RHBDD1: variants seen among roughly 807,000 people sequenced by gnomAD.
RHBDD1 encodes the protein rhomboid domain containing 1.
In RHBDD1, 38 loss-of-function variants were observed where a neutral mutation model predicts 36.3. That is an observed-to-expected ratio of 1.05 (90% CI 0.81 to 1.37). The LOEUF is 1.37. Ranked by LOEUF, RHBDD1 falls within the 40% of genes most tolerant of loss-of-function variation. The probability of loss-of-function intolerance (pLI) is 0.00; values close to 1 mark genes in which losing one functional copy is unlikely to be tolerated. For synonymous variants in RHBDD1, 151 were observed against 136.5 expected (o/e 1.11, Z -0.74); for missense variants, 393 against 377.6 (o/e 1.04, Z -0.34).
the RHBDD1 span, among the ~76,000 whole-genome samples, chr2:226,821,124 A>G: frequency 2.6e-5 from 4 of 152,130 alleles, no homozygotes; most frequent in Non-Finnish European, 4.4e-5. Context: ...GCCCCCTACT[A>G]TGTTCCAGTC....
chr2:226,908,245 T>C (rs1296999262), intron 6 of RHBDD1: 2 of 152,174 alleles, frequency 1.3e-5, no homozygotes, highest in Non-Finnish European at 2.9e-5. Flanking sequence ...AGGAACCCCA[T>C]GGAAAACGAC....
chr2:226,849,181 T>C (rs1242105516), intron 3 of RHBDD1, among the ~76,000 whole-genome samples: 2 of 152,216 alleles, frequency 1.3e-5, no homozygotes, highest in Non-Finnish European at 2.9e-5. Flanking sequence ...GAGACTTAGA[T>C]TAAGTGACGT....
intron 8 of RHBDD1, among the ~76,000 whole-genome samples, chr2:226,936,751 T>A (rs1019080483): frequency 2.0e-5 from 3 of 152,122 alleles, no homozygotes; most frequent in Non-Finnish European, 4.4e-5. Flanking sequence ...TTTGAGCCCT[T>A]CATATGTGTC....
At chr2:226,914,429 C>T (rs1011872327) in intron 8 of RHBDD1, 78 bp downstream of exon 8, 5 of 1,472,834 alleles carry the variant, frequency 3.4e-6, no homozygotes, top group Non-Finnish European at 4.6e-6. Context: ...CTATTTGTAG[C>T]AAATTAAATT....
chr2:226,987,511 A>G (rs1957252916), intron 8 of RHBDD1, among the ~76,000 whole-genome samples: 2 of 152,310 alleles, frequency 1.3e-5, no homozygotes, highest in South Asian at 4.2e-4. Context: ...GCAGCTGGCC[A>G]ATGAGGCAGG....
intron 5 of RHBDD1, among the ~76,000 whole-genome samples, chr2:226,900,476 C>T (rs571402156): frequency 9.2e-5 from 14 of 152,130 alleles, no homozygotes; most frequent in South Asian, 2.1e-4. Context: ...ATTATAGTTA[C>T]GATTTTTCTA....
intron 8 of RHBDD1, among the ~76,000 whole-genome samples, chr2:226,928,987 C>G (rs1440603043): frequency 6.6e-6 from 1 of 151,866 alleles, no homozygotes; most frequent in Non-Finnish European, 1.5e-5. Context: ...CCAATAACAA[C>G]CAGTGAGATT....
At chr2:226,811,503 A>G in the RHBDD1 span, among the ~76,000 whole-genome samples, 1 of 152,134 alleles carries the variant, frequency 6.6e-6, no homozygotes, top group African/African-American at 2.4e-5. Flanking sequence ...GGGTTTTGCC[A>G]TGTTGGCCAG....
At chr2:226,906,697 CTG>C (rs1575047726) in intron 5 of RHBDD1, 94 bp from the exon 6 acceptor site, 1 of 1,598,830 alleles carries the variant, frequency 6.3e-7, no homozygotes, top group Non-Finnish European at 8.5e-7. Context: ...AGCCTGCAGA[CTG>C]TGACTATTTG....
intron 3 of RHBDD1, among the ~76,000 whole-genome samples, chr2:226,839,850 T>G (rs939099484): frequency 6.6e-6 from 1 of 152,192 alleles, no homozygotes; most frequent in African/African-American, 2.4e-5. Flanking sequence ...TAAAAGCTAT[T>G]TGGCATTTTA....
intron 5 of RHBDD1, among the ~76,000 whole-genome samples, chr2:226,883,148 G>A (rs1357070849): frequency 2.0e-5 from 3 of 152,172 alleles, no homozygotes; most frequent in Admixed American, 1.3e-4. Flanking sequence ...TTTCTAATGA[G>A]TTATAAAATC....
At chr2:226,912,904 A>G (rs1948622381) in intron 7 of RHBDD1, among the ~76,000 whole-genome samples, 1 of 152,154 alleles carries the variant, frequency 6.6e-6, no homozygotes, top group African/African-American at 2.4e-5. Flanking sequence ...AATAGACACA[A>G]CTACTTTTCA....
At chr2:226,826,151 TGAGTA>T in the RHBDD1 span, among the ~76,000 whole-genome samples, 1 of 152,162 alleles carries the variant, frequency 6.6e-6, no homozygotes, top group African/African-American at 2.4e-5. Flanking sequence ...AGACGATGCA[TGAGTA>T]GAGAATGAGG....
intron 5 of RHBDD1, among the ~76,000 whole-genome samples, chr2:226,890,955 A>G (rs1222886384): frequency 2.0e-5 from 3 of 152,150 alleles, no homozygotes; most frequent in Admixed American, 6.5e-5. Flanking sequence ...TCTTACTGTC[A>G]TTAGGATTCT....
In RHBDD1 at chr2:226,995,455, C is replaced by A. The variant is rs757301813; in HGVS notation, c.881C>A (p.Pro294His). The A allele has an allele frequency of 2.0e-5, 32 of 1,612,732 alleles. No individual in the cohort carries two copies. The East Asian group carries it at 6.0e-4, about 30-fold the overall frequency. The part of the protein sequence containing the change: ...DRGNTRNSPP[P>H]YGFHLSPEEM... ...GGAAATACCAGAAATAGCCCACCACCCTACGGGTTTCATCTCTCACCAGAA... is the reference window on the plus strand; with the variant it reads ...GGAAATACCAGAAATAGCCCACCACACTACGGGTTTCATCTCTCACCAGAA... The change falls in exon 9 of 9, where the codon CCC (proline) becomes CAC (histidine). Residue 294 changes from proline (P) to histidine (H), a missense_variant. Transcript: ENST00000392062.
intron 8 of RHBDD1, 22 bp from the exon 9 acceptor site, chr2:226,995,409 T>C (rs1959166421): frequency 6.7e-7 from 1 of 1,498,966 alleles, no homozygotes; most frequent in Admixed American, 1.7e-5. Context: ...GATTGATTTT[T>C]CCTTTGGCTT....
intron 6 of RHBDD1, 64 bp from the exon 7 acceptor site, chr2:226,908,758 C>T: frequency 9.2e-7 from 1 of 1,083,126 alleles, no homozygotes. Flanking sequence ...TTTCTAATTA[C>T]TGGAACAATT....
At chr2:226,870,143 C>T (rs1944668069) in intron 5 of RHBDD1, among the ~76,000 whole-genome samples, 1 of 152,194 alleles carries the variant, frequency 6.6e-6, no homozygotes, top group African/African-American at 2.4e-5. Context: ...GGGCCGGGCT[C>T]ACATACTGGC....
intron 2 of RHBDD1, among the ~76,000 whole-genome samples, chr2:226,838,579 T>C (rs761689976): frequency 2.6e-5 from 4 of 152,182 alleles, no homozygotes; most frequent in African/African-American, 4.8e-5. Flanking sequence ...CCACCTTGTT[T>C]TAGGCACAGA....
Sources: gnomAD v4.1 joint callset for allele counts (sites outside exome capture counted in the v4.1 genomes callset) on GRCh38, gnomAD v4.1.1 for gene constraint, MANE v1.5 for transcripts, NCBI Gene and HGNC (gene_info 2026-07-23, HGNC 2026-07-21) for gene names.